Variants in MYO18A observed in about 807,000 individuals in gnomAD.
MYO18A encodes unconventional myosin-XVIIIa.
A neutral mutation model predicts 235.8 loss-of-function variants in MYO18A; 78 were observed. The observed-to-expected ratio is 0.33, with a 90% CI of 0.28 to 0.40. The LOEUF (loss-of-function observed/expected upper bound fraction) is 0.40. MYO18A is among the 10% of genes least tolerant of loss of function. The probability of loss-of-function intolerance (pLI) is 1.00; values close to 1 mark genes in which losing one functional copy is unlikely to be tolerated. For missense variants in MYO18A, 2,215 were observed against 2,699.3 expected (o/e 0.82, Z 3.98); for synonymous variants, 977 against 1,077.8 (o/e 0.91, Z 1.83).
Position 29,090,805 on chromosome 17 carries a change from G to C in MYO18A, c.5304+5C>G, listed in dbSNP as rs1361044075. ...GAGTGTGACGGGCACTCCTGGCAGGGGTACCTGAGCCACGGCAGCCTTGTG... is the reference window on the plus strand; with the variant it reads ...GAGTGTGACGGGCACTCCTGGCAGGCGTACCTGAGCCACGGCAGCCTTGTG... On this transcript the variant is annotated splice_donor_5th_base_variant and intron_variant, in intron 35 of 41. Coordinates refer to ENST00000527372, the MANE Select transcript of MYO18A (RefSeq NM_078471.4). 4 of 1,611,414 alleles carry C rather than the reference G, an allele frequency of 2.5e-6. No individual in the cohort carries two copies. The highest frequency in any genetic ancestry group is 3.4e-6 in the Non-Finnish European group (4 of 1,177,678).
Position 29,114,985 on chromosome 17 carries a change from G to A in MYO18A, c.2433C>T (p.Cys811=). The A allele has an allele frequency of 6.2e-7, 1 of 1,614,052 alleles. No homozygotes were observed. The highest frequency in any genetic ancestry group is 8.5e-7 in the Non-Finnish European group (1 of 1,179,904). Residue 811 remains cysteine (C), a synonymous_variant, in exon 14 of 42, where the codon TGC becomes TGT. Transcript: ENST00000527372. ...SARGASFEEL[C]HNYTQDRLQR... ...GCAGCCGGTCTTGGGTGTAGTTGTG[G>A]CACAGCTCCTCAAAGGAGGCTCCGC...
chr17:29,114,943 C>T lies in MYO18A; in HGVS notation c.2475G>A (p.Glu825=), dbSNP rs778405977. Reference sequence around the variant, plus strand: ...TTTCCAACTCCTGCACGAAGGTGCGCTCGTGGAAGAGCCTCTGCAGCCGGT... The same window carrying T: ...TTTCCAACTCCTGCACGAAGGTGCGTTCGTGGAAGAGCCTCTGCAGCCGGT... ...TQDRLQRLFH[E]RTFVQELERY... is the part of the protein sequence containing the mutation. The change falls in exon 14 of 42, where the codon GAG becomes GAA. Residue 825 remains glutamate, a synonymous_variant. Transcript: ENST00000527372. 2.7e-5 allele frequency: 44 copies of T among 1,613,886 alleles called. 1 individual carries two copies. The South Asian group carries it at 4.5e-4, about 17-fold the overall frequency.
Position 29,166,862 on chromosome 17 carries a change from G to GCTCCTTTTT in MYO18A, c.70_78dup (p.Lys24_Glu26dup), listed in dbSNP as rs751235067. 1.7e-4 allele frequency: 266 copies of GCTCCTTTTT among 1,560,184 alleles called. No individual in the cohort carries two copies. The highest frequency in any genetic ancestry group is 2.0e-4 in the Non-Finnish European group (236 of 1,152,358). ...CTCCGAAGCTCTGCCGCTGACATCCGCTCCTTTTTCTCCTTTTTCTCCTTC... is the reference window on the plus strand; with the variant it reads ...CTCCGAAGCTCTGCCGCTGACATCCGCTCCTTTTTCTCCTTTTTCTCCTTTTTCTCCTTC... On this transcript the variant is annotated inframe_insertion, in exon 2 of 42. Coordinates refer to ENST00000527372, the MANE Select transcript of MYO18A (RefSeq NM_078471.4).
intron 1 of MYO18A, among the ~76,000 whole-genome samples, chr17:29,178,301 AACTAG>A (rs2152996362): frequency 6.6e-6 from 1 of 152,194 alleles, no homozygotes; most frequent in Admixed American, 6.5e-5. Flanking sequence ...AGAGTAAACA[AACTAG>A]ACACTCAGAG....
chr17:29,129,266 C>T (rs1219530490), intron 2 of MYO18A, among the ~76,000 whole-genome samples: 1 of 152,194 alleles, frequency 6.6e-6, no homozygotes, highest in East Asian at 1.9e-4. Flanking sequence ...GAAGCTTCCA[C>T]TTCAGCCTGC....
rs1483750093 is a variant in MYO18A, at chr17:29,116,452, G to A, written c.2042C>T (p.Ala681Val). 5 of 1,613,986 alleles carry A rather than the reference G, an allele frequency of 3.1e-6. No homozygotes were observed. Among genetic ancestry groups the A allele is most frequent in the Non-Finnish European group, 4.2e-6 (5 of 1,179,874 alleles). The change falls in exon 11 of 42, where the codon GCT becomes GTT. Residue 681 changes from alanine to valine, a missense_variant. Ala to Val is a moderately conservative substitution (Grantham distance 64, BLOSUM62 0). Coordinates refer to ENST00000527372, the MANE Select transcript of MYO18A (RefSeq NM_078471.4). ...HLGAAGATKE[A>V]AEAGRKQFAR... ...AAGAAACAAGGTTTTACCTTCAGCA[G>A]CTTCTGTAAGGCAAAGGACCAGCAT...
intron 1 of MYO18A, among the ~76,000 whole-genome samples, chr17:29,178,104 TCA>T (rs1175722646): frequency 6.6e-6 from 1 of 152,094 alleles, no homozygotes; most frequent in Admixed American, 6.5e-5. Flanking sequence ...CATGCAGTCC[TCA>T]ATGAATAGCC....
intron 23 of MYO18A, among the ~76,000 whole-genome samples, 188 bp downstream of exon 23, chr17:29,098,638 C>T (rs546737818): frequency 2.0e-5 from 3 of 152,288 alleles, no homozygotes; most frequent in African/African-American, 7.2e-5. Context: ...GCTAGGGATG[C>T]CCAAGATTTT....
intron 2 of MYO18A, among the ~76,000 whole-genome samples, chr17:29,136,793 T>G: frequency 6.6e-6 from 1 of 152,220 alleles, no homozygotes; most frequent in East Asian, 1.9e-4. Context: ...TAGCCAAATC[T>G]GGTTGATAAA....
intron 2 of MYO18A, chr17:29,133,886 G>C (rs1477914433): frequency 7.8e-7 from 1 of 1,288,440 alleles, no homozygotes; most frequent in South Asian, 1.2e-5. Context: ...TGGGGGGCAG[G>C]GTCTCTCAGT....
In MYO18A at chr17:29,131,402, G is replaced by A. The variant is rs111290030; in HGVS notation, c.1000-9149C>T. On this transcript the variant is annotated intron_variant, in intron 2 of 41. Coordinates refer to ENST00000527372, the MANE Select transcript of MYO18A (RefSeq NM_078471.4). ...ACTTACAGCCCCTTCCTCCTTGCCA[G>A]GAGAGCCAGGCTTTGGCAGAGTTTT... is the stretch of plus-strand genomic sequence containing the variant. 8.1e-6 allele frequency: 8 copies of A among 985,886 alleles called. No individual in the cohort carries two copies. In the African/African-American group the frequency reaches 8.7e-5, roughly 11 times the overall value. The allele number at this position is 985,886 out of a possible 1,614,324, so 61.1% of individuals were successfully genotyped here.
In MYO18A at chr17:29,110,545, C is replaced by A; in HGVS notation, c.2978G>T (p.Gly993Val). Residue 993 changes from glycine to valine, a missense_variant, in exon 18 of 42, where the codon GGC becomes GTC. Gly to Val is a moderately radical substitution (Grantham distance 109). Transcript: ENST00000527372. Reference protein sequence around the residue: ...VLSGSIAGLEGGSQLALRRAT... With the variant: ...VLSGSIAGLEVGSQLALRRAT... ...CCGGCGCAGTGCCAGCTGCGAGCCG[C>A]CCTCCAGGCCCGCGATGGAGCCAGA... The A allele has an allele frequency of 1.9e-6, 3 of 1,611,672 alleles. No individual in the cohort carries two copies. Among genetic ancestry groups the A allele is most frequent in the Non-Finnish European group, 2.5e-6 (3 of 1,179,174 alleles).
chr17:29,092,505 G>C, intron 33 of MYO18A, 49 bp from the exon 34 acceptor site: 1 of 1,447,558 alleles, frequency 6.9e-7, no homozygotes, highest in African/African-American at 1.4e-5. Context: ...GCCATTCCTT[G>C]GGGGCAGGAG....
chr17:29,081,636 G>T lies in MYO18A; in HGVS notation c.6020+680C>A, dbSNP rs1311173006. Among the ~76,000 whole-genome samples the T allele has an allele frequency of 4.0e-5, 6 of 151,426 alleles. No homozygotes were observed. In the South Asian group the frequency reaches 8.4e-4, roughly 21 times the overall value. On this transcript the variant is annotated intron_variant, in intron 41 of 41. Coordinates refer to ENST00000527372, the MANE Select transcript of MYO18A (RefSeq NM_078471.4). ...GGGGGCAGCAGGGATATGGCTTTGT[G>T]GGGGGTGAGGGGGGAGCGAGGGCTC...
rs2065905676 is a variant in MYO18A, at chr17:29,073,148, A to T, written c.*1622T>A. On this transcript the variant is annotated 3_prime_UTR_variant, in exon 42 of 42. Transcript: ENST00000527372. Reference sequence around the variant, plus strand: ...GACGGAAGGAGGAAGAGAAGAGAAGAGAAGAGAATCTCTGTAATTGGTGAG... The same window carrying T: ...GACGGAAGGAGGAAGAGAAGAGAAGTGAAGAGAATCTCTGTAATTGGTGAG... 6.6e-6 allele frequency: 1 copy of T among 152,144 alleles called. No individual in the cohort carries two copies. The highest frequency in any genetic ancestry group is 6.5e-5 in the Admixed American group (1 of 15,284). 9.4% of individuals were successfully genotyped at this position (152,144 alleles called of 1,614,324 possible).
intron 1 of MYO18A, among the ~76,000 whole-genome samples, chr17:29,177,189 A>G (rs1162276390): frequency 1.3e-5 from 2 of 152,186 alleles, no homozygotes; most frequent in East Asian, 1.9e-4. Flanking sequence ...TCAACCACAC[A>G]CTGCAGGTTG....
Position 29,106,093 on chromosome 17 carries a change from G to A in MYO18A, c.3441+987C>T, listed in dbSNP as rs891617765. Among the ~76,000 whole-genome samples, 3 of 152,238 alleles carry A rather than the reference G, an allele frequency of 2.0e-5. No homozygotes were observed. The highest frequency in any genetic ancestry group is 7.2e-5 in the African/African-American group (3 of 41,458). On this transcript the variant is annotated intron_variant, in intron 20 of 41. Transcript: ENST00000527372. This position sits in a 1 kb window ranked among gnomAD's most constrained non-coding sequence, Gnocchi z 4.6. Reference sequence around the variant, plus strand: ...GAGAGCGGGTGTCCTGAGGGGAAGAGAGGAGTGGGACCAGCAGGCACGAGG... The same window carrying A: ...GAGAGCGGGTGTCCTGAGGGGAAGAAAGGAGTGGGACCAGCAGGCACGAGG...
chr17:29,157,549 A>C (rs1203413992), intron 2 of MYO18A, among the ~76,000 whole-genome samples: 1 of 152,212 alleles, frequency 6.6e-6, no homozygotes, highest in East Asian at 1.9e-4. Context: ...CTGGTGAGTC[A>C]CTTAATACCT....
At chr17:29,078,270 C>T (rs1001815528) in intron 41 of MYO18A, 1 of 152,260 alleles carries the variant, frequency 6.6e-6, no homozygotes, top group African/African-American at 2.4e-5. Context: ...TCTGCCTCAG[C>T]CTCCCAAAGT....
Sources: allele counts gnomAD v4.1 joint callset (sites outside exome capture counted in the v4.1 genomes callset), GRCh38; gene constraint gnomAD v4.1.1; non-coding constraint Gnocchi (gnomAD v3.1); transcripts MANE v1.5; gene names NCBI Gene and HGNC (gene_info 2026-07-23, HGNC 2026-07-21).